The following CASZ1 variants were observed in gnomAD, a reference collection of about 807,000 sequenced individuals.
The protein encoded by CASZ1 is zinc finger protein castor homolog 1.
A neutral mutation model predicts 135.2 loss-of-function variants in CASZ1; 28 were observed. The ratio of observed to expected loss-of-function variants is 0.21; its 90% CI spans 0.15 to 0.28. CASZ1 has a LOEUF of 0.28. Among genes scored for constraint, CASZ1 ranks in the 10% least tolerant of loss-of-function variants. The pLI, the probability that CASZ1 is intolerant of heterozygous loss-of-function variation, is 1.00. For synonymous variants in CASZ1, 1,068 were observed against 1,073.4 expected (o/e 0.99, Z 0.10); for missense variants, 2,161 against 2,453.3 (o/e 0.88, Z 2.52).
chr1:10,657,632 G>A lies in CASZ1; in HGVS notation c.1409+876C>T, dbSNP rs911888190. Among the ~76,000 whole-genome samples, 9 of 152,070 alleles carry A rather than the reference G, an allele frequency of 5.9e-5. No individual in the cohort carries two copies. The highest frequency in any genetic ancestry group is 1.9e-4 in the African/African-American group (8 of 41,376). Reference sequence around the variant, plus strand: ...TGAAGACAGAGTGGGACAGGGGGGCGGAGACAGTGGGATGGGGGTGGACAG... The same window carrying A: ...TGAAGACAGAGTGGGACAGGGGGGCAGAGACAGTGGGATGGGGGTGGACAG... On this transcript the variant is annotated intron_variant, in intron 7 of 20. Transcript: ENST00000377022. This position sits in a 1 kb window ranked among gnomAD's most constrained non-coding sequence, Gnocchi z 5.7.
chr1:10,649,220 G>A, intron 14 of CASZ1, 28 bp from the exon 15 acceptor site: 1 of 1,611,742 alleles, frequency 6.2e-7, no homozygotes, highest in Non-Finnish European at 8.5e-7. Flanking sequence ...CGTTAGAGGA[G>A]AGCCTGGGGC....
intron 1 of CASZ1, among the ~76,000 whole-genome samples, chr1:10,778,229 AC>A (rs1448752811): frequency 5.3e-5 from 8 of 151,868 alleles, no homozygotes; most frequent in Non-Finnish European, 1.2e-4. Context: ...ACAATCTCAT[AC>A]ACAATCACAC....
rs144817480 is a variant in CASZ1 at position 10,653,425 on chromosome 1, C to T, written c.2632G>A (p.Ala878Thr). The change falls in exon 11 of 21, where the codon GCC becomes ACC. Residue 878 changes from alanine (A) to threonine (T), a missense_variant. This residue lies in a region of CASZ1 where 406 missense variants were observed against 387.6 expected (regional missense o/e 1.05). Coordinates refer to ENST00000377022, the MANE Select transcript of CASZ1 (RefSeq NM_001079843.3). ...TTGAGGGCAGCTGCAGCCAGCCTGG[C>T]CATCATGGGCGAGATGAGGCCCTTG... ...ASKGLISPMMARLAAAALKPS... is the reference protein window; with the variant it reads ...ASKGLISPMMTRLAAAALKPS... The T allele has an allele frequency of 5.6e-6, 9 of 1,613,244 alleles. No homozygotes were observed. Among genetic ancestry groups the T allele is most frequent in the Non-Finnish European group, 7.6e-6 (9 of 1,180,032 alleles).
intron 2 of CASZ1, among the ~76,000 whole-genome samples, chr1:10,712,152 T>G (rs55842159): frequency 0.041 from 6,272 of 151,866 alleles, 244 homozygotes; most frequent in African/African-American, 0.11. Context: ...TGGAGACCAG[T>G]CTGGCCAACA....
intron 4 of CASZ1, among the ~76,000 whole-genome samples, chr1:10,671,172 AG>A (rs1432189331): frequency 6.6e-6 from 1 of 152,230 alleles, no homozygotes; most frequent in Non-Finnish European, 1.5e-5. Flanking sequence ...TCTATAAATC[AG>A]GGGAACTGTT....
rs142968239 is a variant in CASZ1, at chr1:10,700,005, A to T, written c.-24+5487T>A. Among the ~76,000 whole-genome samples the T allele has an allele frequency of 0.02, 2,987 of 152,132 alleles. 31 individuals are homozygous for T. The highest frequency in any genetic ancestry group is 0.042 in the Admixed American group (643 of 15,284). On this transcript the variant is annotated intron_variant, in intron 3 of 20. Transcript: ENST00000377022. The surrounding 1 kb of genome is among the most constrained non-coding windows in gnomAD (Gnocchi z 4.2). ...AAGAGAGACAGGCAGAGAGAGAGAG[A>T]GAAACAGAGACAGAGAAAGAGAGAG...
At position 10,647,112 on chromosome 1, in the gene CASZ1, G is replaced by A. The variant is rs972905631; in HGVS notation, c.3497+689C>T. 1 of 420,218 alleles carries A rather than the reference G, an allele frequency of 2.4e-6. No homozygotes were observed. The highest frequency in any genetic ancestry group is 3.2e-6 in the Non-Finnish European group (1 of 313,890). The allele number at this position is 420,218 out of a possible 1,614,324, so 26.0% of individuals were successfully genotyped here. A position where few individuals can be genotyped will look rare whatever the true frequency, so the allele number is the denominator to read the frequency against. ...ACTCTGGGGAGGAGGAGGGGGAGGG[G>A]AGGCTGGTGGGGGGGACGGAGAACA... On this transcript the variant is annotated intron_variant, in intron 16 of 20. Transcript: ENST00000377022. This position sits in a 1 kb window ranked among gnomAD's most constrained non-coding sequence, Gnocchi z 4.9.
At chr1:10,693,746 G>A in intron 4 of CASZ1, 128 bp downstream of exon 4, 1 of 824,302 alleles carries the variant, frequency 1.2e-6, no homozygotes, top group East Asian at 2.5e-5. Context: ...ACGCCGGGAG[G>A]CAGCCGCCCG....
chr1:10,650,853 G>A, intron 12 of CASZ1, 88 bp downstream of exon 12: 20 of 1,599,136 alleles, frequency 1.3e-5, no homozygotes, highest in Middle Eastern at 1.7e-4. Context: ...AGCCGAGCCC[G>A]CTGCAACTGC....
At chr1:10,654,724 G>C (rs534626224) in intron 9 of CASZ1, 133 bp from the exon 10 acceptor site, 30 of 795,168 alleles carry the variant, frequency 3.8e-5, no homozygotes, top group African/African-American at 3.6e-4. Context: ...CTTCAAACTG[G>C]AGGCCTCGGG....
At position 10,649,201 on chromosome 1, in the gene CASZ1, A is replaced by T. The variant is rs141461577; in HGVS notation, c.3036-9T>A. 2,986 of 1,613,266 alleles carry T rather than the reference A, an allele frequency of 1.9e-3. 54 individuals are homozygous for T. The African/African-American group carries it at 0.035, about 19-fold the overall frequency. On this transcript the variant is annotated splice_polypyrimidine_tract_variant and intron_variant, in intron 14 of 20. Transcript: ENST00000377022. Reference sequence around the variant, plus strand: ...AGTCCTTTGTACCAAACCTAGCCAGAGGAGCTGGCGTTAGAGGAGAGCCTG... The same window carrying T: ...AGTCCTTTGTACCAAACCTAGCCAGTGGAGCTGGCGTTAGAGGAGAGCCTG...
Position 10,649,264 on chromosome 1 carries a change from G to A in CASZ1, c.3035+19C>T, listed in dbSNP as rs371121107. The A allele has an allele frequency of 4.7e-5, 76 of 1,602,176 alleles. No homozygotes were observed. The highest frequency in any genetic ancestry group is 2.7e-4 in the East Asian group (12 of 44,456). On this transcript the variant is annotated intron_variant, in intron 14 of 20. Transcript: ENST00000377022. ...GGGTGCGGGGGGACGATGGGTGGAC[G>A]CGGCCAGCAGCCCCTCACCTGCGCA...
At chr1:10,787,487 G>C (rs1165420190) in intron 1 of CASZ1, among the ~76,000 whole-genome samples, 1 of 152,214 alleles carries the variant, frequency 6.6e-6, no homozygotes, top group Non-Finnish European at 1.5e-5. Flanking sequence ...CACATAGCGA[G>C]CGGCACAGCT....
At chr1:10,783,131 C>T (rs553191116) in intron 1 of CASZ1, among the ~76,000 whole-genome samples, 9 of 152,278 alleles carry the variant, frequency 5.9e-5, no homozygotes, top group East Asian at 1.9e-4. Context: ...CCGGGGCCAC[C>T]GGCCACCCCC....
In CASZ1 at chr1:10,741,829, G is replaced by A. The variant is rs1239601647; in HGVS notation, c.-77+18872C>T. The stretch of plus-strand genomic sequence containing the variant: ...AGTTATATATTAACAAACCTGATTC[G>A]AATCTCATCTGAATTATTTTTTGCT... On this transcript the variant is annotated intron_variant, in intron 2 of 20. Coordinates refer to ENST00000377022, the MANE Select transcript of CASZ1 (RefSeq NM_001079843.3). The surrounding 1 kb of genome is among the most constrained non-coding windows in gnomAD (Gnocchi z 5.0). Among the ~76,000 whole-genome samples, 2 of 151,582 alleles carry A rather than the reference G, an allele frequency of 1.3e-5. No homozygotes were observed. The highest frequency in any genetic ancestry group is 2.9e-5 in the Non-Finnish European group (2 of 67,982).
At chr1:10,644,192 G>A (rs1224063900) in intron 18 of CASZ1, among the ~76,000 whole-genome samples, 1 of 152,120 alleles carries the variant, frequency 6.6e-6, no homozygotes, top group East Asian at 1.9e-4. Context: ...CCTGGCTCCC[G>A]CCTGCCCGTG....
Position 10,700,138 on chromosome 1 carries a change from G to C in CASZ1, c.-24+5354C>G. On this transcript the variant is annotated intron_variant, in intron 3 of 20. Transcript: ENST00000377022. The surrounding 1 kb of genome is among the most constrained non-coding windows in gnomAD (Gnocchi z 4.2). ...ACACAGAGTATGAAGCAGGGACCTG[G>C]GCTAGTTGGGTTGCCCTGTGGGCCT... is the stretch of plus-strand genomic sequence containing the variant. 7.8e-6 allele frequency among the ~76,000 whole-genome samples: 1 copy of C among 127,542 alleles called. No homozygotes were observed. The highest frequency in any genetic ancestry group is 2.6e-4 in the South Asian group (1 of 3,796). 83.7% of individuals were successfully genotyped at this position (127,542 alleles called of 152,430 possible).
chr1:10,680,679 AGGCG>A, intron 4 of CASZ1, among the ~76,000 whole-genome samples: 1 of 152,256 alleles, frequency 6.6e-6, no homozygotes, highest in African/African-American at 2.4e-5. Context: ...GTGAAGGGGC[AGGCG>A]GGCAGACGGA....
intron 2 of CASZ1, among the ~76,000 whole-genome samples, chr1:10,715,566 T>TCCACACCCCACAGCAC (rs1639364352): frequency 4.3e-5 from 1 of 22,998 alleles, no homozygotes; most frequent in African/African-American, 1.9e-4. Flanking sequence ...CCCCACAGCA[T>TCCACACCCCACAGCAC]CCAATCCGCA....
Sources: allele counts gnomAD v4.1 joint callset (sites outside exome capture counted in the v4.1 genomes callset), GRCh38; gene constraint gnomAD v4.1.1; regional missense constraint gnomAD v4.1.1; non-coding constraint Gnocchi (gnomAD v3.1); transcripts MANE v1.5; gene names NCBI Gene and HGNC (gene_info 2026-07-23, HGNC 2026-07-21).